The following ALG3 variants were observed in gnomAD, a reference collection of about 807,000 sequenced individuals.
ALG3 encodes dol-P-Man:Man(5)GlcNAc(2)-PP-Dol alpha-1,3-mannosyltransferase.
A neutral mutation model predicts 50.5 loss-of-function variants in ALG3; 39 were observed. The observed-to-expected ratio is 0.77, with a 90% CI of 0.60 to 1.01. The LOEUF (loss-of-function observed/expected upper bound fraction) is 1.01. ALG3 is among the 50% of genes least tolerant of loss of function. The probability of loss-of-function intolerance (pLI) is 0.00; values close to 1 mark genes in which losing one functional copy is unlikely to be tolerated. For synonymous variants in ALG3, 252 were observed against 237.2 expected (o/e 1.06, Z -0.58); for missense variants, 520 against 554.8 (o/e 0.94, Z 0.63).
chr3:184,245,113 C>A (rs752838444), intron 4 of ALG3, 85 bp downstream of exon 4: 1 of 1,546,700 alleles, frequency 6.5e-7, no homozygotes. Flanking sequence ...GTCTTGGCTA[C>A]TCCTTTACTC....
At chr3:184,249,487 G>A (rs1206534376), upstream of ALG3, 1 of 746,570 alleles carries the variant, frequency 1.3e-6, no homozygotes, top group South Asian at 1.9e-5. Flanking sequence ...AAATGACTTG[G>A]CAGTACAGCC....
At chr3:184,246,344 A>G (rs1245973190) in intron 1 of ALG3, among the ~76,000 whole-genome samples, 1 of 152,202 alleles carries the variant, frequency 6.6e-6, no homozygotes, top group East Asian at 1.9e-4. Context: ...AATACAAATC[A>G]TAACAGGCCT....
chr3:184,243,984 G>C lies in ALG3; in HGVS notation c.739C>G (p.Leu247Val). Residue 247 changes from leucine (L) to valine (V), a missense_variant, in exon 6 of 9, where the codon CTG becomes GTG. By Grantham distance (32) the Leu-to-Val change is conservative. Around this residue, in one of 3 missense-constraint regions of ALG3, gnomAD observed 224 missense variants for 272.8 expected, o/e 0.82. Coordinates refer to ENST00000397676, the MANE Select transcript of ALG3 (RefSeq NM_005787.6). ...CTGGGGTTCTCCAGCAGGAAGGGCA[G>C]CCCCAGCACCACCTGAGGATTGGTG... ...ICAGLQVVLG[L>V]PFLLENPSGY... 2 of 1,613,024 alleles carry C rather than the reference G, an allele frequency of 1.2e-6. No homozygotes were observed. The highest frequency in any genetic ancestry group is 1.7e-6 in the Non-Finnish European group (2 of 1,179,704).
intron 4 of ALG3, 141 bp downstream of exon 4, chr3:184,245,057 C>G: frequency 8.6e-7 from 1 of 1,166,310 alleles, no homozygotes. Context: ...CAGAAACTTT[C>G]TATAGATCCT....
chr3:184,243,823 C>A lies in ALG3; in HGVS notation c.900G>T (p.Leu300=). Residue 300 remains leucine, a synonymous_variant, in exon 6 of 9, where the codon CTG becomes CTT. Coordinates refer to ENST00000397676, the MANE Select transcript of ALG3 (RefSeq NM_005787.6). ...ACCTGCAGAGGGCAAACAGCAGGAG[C>A]AGGGTGAGGTGGGCAGTCAACAGGG... ...HLALLTAHLT[L]LLLFALCRWH... is the part of the protein sequence containing the mutation. 1 of 1,613,930 alleles carries A rather than the reference C, an allele frequency of 6.2e-7. No homozygotes were observed. The highest frequency in any genetic ancestry group is 8.5e-7 in the Non-Finnish European group (1 of 1,179,858).
rs372466372 is a variant in ALG3 at position 184,243,664 on chromosome 3, C to T, written c.933-34G>A. Reference sequence around the variant, plus strand: ...AAGCCATTCAGACAGTTATCAAGCCCCTTTTGTGAGTCAAACTCTAGACTC... The same window carrying T: ...AAGCCATTCAGACAGTTATCAAGCCTCTTTTGTGAGTCAAACTCTAGACTC... On this transcript the variant is annotated intron_variant, in intron 6 of 8. Coordinates refer to ENST00000397676, the MANE Select transcript of ALG3 (RefSeq NM_005787.6). 3 of 1,612,358 alleles carry T rather than the reference C, an allele frequency of 1.9e-6. No homozygotes were observed. The East Asian group carries it at 6.7e-5, about 36-fold the overall frequency.
At position 184,248,735 on chromosome 3, in the gene ALG3, G is replaced by C; in HGVS notation, c.196+10C>G. On this transcript the variant is annotated intron_variant, in intron 1 of 8. Transcript: ENST00000397676. ...CCTCCCTCCCCTCCCCTCCCCCTCG[G>C]CGCACTCACATGCCACCCTGTGAAT... 6.5e-7 allele frequency: 1 copy of C among 1,539,634 alleles called. No homozygotes were observed. Among genetic ancestry groups the C allele is most frequent in the South Asian group, 1.2e-5 (1 of 83,504 alleles).
Position 184,248,922 on chromosome 3 carries a change from T to A in ALG3, c.19A>T (p.Lys7Ter). 2 of 1,587,576 alleles carry A rather than the reference T, an allele frequency of 1.3e-6. No individual in the cohort carries two copies. Among genetic ancestry groups the A allele is most frequent in the Non-Finnish European group, 1.7e-6 (2 of 1,168,060 alleles). The change falls in exon 1 of 9, where the codon AAA (lysine) becomes TAA (stop). Residue 7 changes from lysine (K) to a stop codon, truncating the protein, a stop_gained. Transcript: ENST00000397676. LOFTEE classifies it high-confidence loss of function. ...GCCGCGGAACCGGACCGGCCGCGTTTCCGCAGCCCAGCCGCCATCTTAACG... is the reference window on the plus strand; with the variant it reads ...GCCGCGGAACCGGACCGGCCGCGTTACCGCAGCCCAGCCGCCATCTTAACG... MAAGLR[K>*]RGRSGSAAQA...
At position 184,245,721 on chromosome 3, in the gene ALG3, T is replaced by C. The variant is rs1719109595; in HGVS notation, c.288A>G (p.Gly96=). Reference sequence around the variant, plus strand: ...TTCCTGTCCCCACTCACACAAGTGGTCCGGTGTCACCCTGCAGTTGGGTAT... The same window carrying C: ...TTCCTGTCCCCACTCACACAAGTGGCCCGGTGTCACCCTGCAGTTGGGTAT... ...YDYTQLQGDT[G]PLVYPAGFVY... is the part of the protein sequence containing the mutation. Residue 96 remains glycine (G), a synonymous_variant, in exon 2 of 9, where the codon GGA becomes GGG. Coordinates refer to ENST00000397676, the MANE Select transcript of ALG3 (RefSeq NM_005787.6). The C allele has an allele frequency of 6.2e-7, 1 of 1,613,042 alleles. No individual in the cohort carries two copies. Among genetic ancestry groups the C allele is most frequent in the Non-Finnish European group, 8.5e-7 (1 of 1,179,198 alleles).
rs758738429 is a variant in ALG3 at position 184,245,309 on chromosome 3, T to C, written c.494A>G (p.His165Arg). 3 of 1,612,350 alleles carry C rather than the reference T, an allele frequency of 1.9e-6. No homozygotes were observed. Among genetic ancestry groups the C allele is most frequent in the South Asian group, 2.2e-5 (2 of 90,976 alleles). Residue 165 changes from histidine (H) to arginine (R), a missense_variant, in exon 4 of 9, where the codon CAC becomes CGC. Coordinates refer to ENST00000397676, the MANE Select transcript of ALG3 (RefSeq NM_005787.6). ...FFMCCASYRV[H>R]SIFVLRLFND... ...GAAGAGCCGCAGCACAAAGATGGAG[T>C]GGACACGGTAAGAGGCGCAGCACAT...
chr3:184,244,047 C>T (rs2108440866), intron 5 of ALG3, 51 bp from the exon 6 acceptor site: 2 of 1,557,718 alleles, frequency 1.3e-6, no homozygotes, highest in Non-Finnish European at 1.8e-6. Flanking sequence ...TTCCCAATGA[C>T]CAGCCTTCAT....
intron 1 of ALG3, among the ~76,000 whole-genome samples, chr3:184,247,442 C>T (rs528463389): frequency 2.2e-4 from 33 of 152,130 alleles, no homozygotes; most frequent in Non-Finnish European, 3.8e-4. Flanking sequence ...GGATTACAGG[C>T]ATATGCCACC....
Position 184,248,909 on chromosome 3 carries a change from G to A in ALG3, c.32C>T (p.Ser11Phe), listed in dbSNP as rs777945354. 2 of 1,594,038 alleles carry A rather than the reference G, an allele frequency of 1.3e-6. No individual in the cohort carries two copies. Among genetic ancestry groups the A allele is most frequent in the Non-Finnish European group, 1.7e-6 (2 of 1,171,022 alleles). Residue 11 changes from serine (S) to phenylalanine (F), a missense_variant, in exon 1 of 9, where the codon TCC (serine) becomes TTC (phenylalanine). By Grantham distance (155) the Ser-to-Phe change is radical (BLOSUM62 -2). Coordinates refer to ENST00000397676, the MANE Select transcript of ALG3 (RefSeq NM_005787.6). Reference sequence around the variant, plus strand: ...TCCCTCTGCCTGGGCCGCGGAACCGGACCGGCCGCGTTTCCGCAGCCCAGC... The same window carrying A: ...TCCCTCTGCCTGGGCCGCGGAACCGAACCGGCCGCGTTTCCGCAGCCCAGC... MAAGLRKRGR[S>F]GSAAQAEGLC... is the part of the protein sequence containing the mutation.
chr3:184,246,769 C>T (rs1031803457), intron 1 of ALG3, among the ~76,000 whole-genome samples: 6 of 151,976 alleles, frequency 3.9e-5, no homozygotes, highest in Admixed American at 6.6e-5. Context: ...CTCCGCCTCC[C>T]GGGTTCAAGT....
At chr3:184,248,004 C>T (rs1330808721) in intron 1 of ALG3, among the ~76,000 whole-genome samples, 3 of 151,372 alleles carry the variant, frequency 2.0e-5, no homozygotes, top group Non-Finnish European at 4.4e-5. Context: ...CGCCACCATG[C>T]CCGGCTAAAT....
At position 184,243,792 on chromosome 3, in the gene ALG3, T is replaced by G; in HGVS notation, c.931A>C (p.Arg311=). 6.2e-7 allele frequency: 1 copy of G among 1,612,880 alleles called. No individual in the cohort carries two copies. The highest frequency in any genetic ancestry group is 8.5e-7 in the Non-Finnish European group (1 of 1,179,416). ...CATGGCACTACTGCCTTTTCTCACC[T>G]GTGCCACCTGCAGAGGGCAAACAGC... ...LLLFALCRWH[R]TGESILSLLR... is the part of the protein sequence containing the mutation. Residue 311 remains arginine, a splice_region_variant and synonymous_variant, in exon 6 of 9, where the codon AGG becomes CGG. Coordinates refer to ENST00000397676, the MANE Select transcript of ALG3 (RefSeq NM_005787.6).
Position 184,244,740 on chromosome 3 carries a change from A to C in ALG3, c.606-19T>G. On this transcript the variant is annotated intron_variant, in intron 4 of 8. Coordinates refer to ENST00000397676, the MANE Select transcript of ALG3 (RefSeq NM_005787.6). ...TGCCAGGCTGGGGTGAGCAGGGGAG[A>C]GGAAGGGTGGAGATCAGCTCCAGGG... 1 of 1,605,478 alleles carries C rather than the reference A, an allele frequency of 6.2e-7. No homozygotes were observed. The highest frequency in any genetic ancestry group is 8.5e-7 in the Non-Finnish European group (1 of 1,176,690).
rs902426133 is a variant in ALG3 at position 184,248,956 on chromosome 3, C to T, written c.-16G>A. 6 of 1,562,534 alleles carry T rather than the reference C, an allele frequency of 3.8e-6. No homozygotes were observed. The African/African-American group carries it at 8.1e-5, about 21-fold the overall frequency. ...CAGCCGCCATCTTAACGGTGCGCCG[C>T]TTGTGTGGGCCCACCACCCCCGGAA... On this transcript the variant is annotated 5_prime_UTR_variant, in exon 1 of 9. Coordinates refer to ENST00000397676, the MANE Select transcript of ALG3 (RefSeq NM_005787.6).
At position 184,245,829 on chromosome 3, in the gene ALG3, T is replaced by C; in HGVS notation, c.197-17A>G. ...TCTCTGTGTCTGGAAGAAGACAAGA[T>C]GATCTGGTTACTTCTGAGTCTAGAA... On this transcript the variant is annotated splice_polypyrimidine_tract_variant and intron_variant, in intron 1 of 8. Coordinates refer to ENST00000397676, the MANE Select transcript of ALG3 (RefSeq NM_005787.6). 1 of 1,599,892 alleles carries C rather than the reference T, an allele frequency of 6.3e-7. No individual in the cohort carries two copies. Among genetic ancestry groups the C allele is most frequent in the Non-Finnish European group, 8.6e-7 (1 of 1,168,668 alleles).
Sources: gnomAD v4.1 joint callset for allele counts (sites outside exome capture counted in the v4.1 genomes callset) on GRCh38, gnomAD v4.1.1 for gene constraint, gnomAD v4.1.1 regional missense constraint, MANE v1.5 for transcripts, NCBI Gene and HGNC (gene_info 2026-07-23, HGNC 2026-07-21) for gene names.